Variants in MAGI2 observed in about 807,000 individuals in gnomAD.
MAGI2 encodes membrane associated guanylate kinase, WW and PDZ domain containing 2.
In MAGI2, 35 loss-of-function variants were observed where a neutral mutation model predicts 133.3. The ratio of observed to expected loss-of-function variants is 0.26; its 90% confidence interval spans 0.20 to 0.35. The LOEUF (loss-of-function observed/expected upper bound fraction) is 0.35, where lower values mean the gene tolerates loss of function less well. Among genes scored for constraint, MAGI2 ranks in the 10% least tolerant of loss-of-function variants. The pLI, the probability that MAGI2 is intolerant of heterozygous loss-of-function variation, is 1.00. For missense variants in MAGI2, 1,636 were observed against 1,863.4 expected, an observed-to-expected ratio of 0.88 and a Z score of 2.25; for synonymous variants, 729 against 710.6, an observed-to-expected ratio of 1.03 and a Z score of -0.41.
At chr7:78,177,209 G>C (rs905522348) in intron 14 of MAGI2, among the ~76,000 whole-genome samples, 9 of 152,048 alleles carry the variant, frequency 5.9e-5, no homozygotes, top group Non-Finnish European at 1.2e-4. Flanking sequence ...AGCCGGATGG[G>C]ATGTAGATAG....
At chr7:79,246,044 C>T (rs1032807529) in intron 1 of MAGI2, among the ~76,000 whole-genome samples, 2 of 152,138 alleles carry the variant, frequency 1.3e-5, no homozygotes, top group African/African-American at 4.8e-5. Context: ...ACATATAGAC[C>T]AAGGTGGTAT....
At chr7:78,287,456 T>C (rs182527530) in intron 9 of MAGI2, among the ~76,000 whole-genome samples, 1 of 152,278 alleles carries the variant, frequency 6.6e-6, no homozygotes, top group African/African-American at 2.4e-5. Flanking sequence ...GAGGAGCATA[T>C]CATGTAGACA....
intron 2 of MAGI2, among the ~76,000 whole-genome samples, chr7:78,701,579 G>T (rs1013586473): frequency 2.0e-5 from 3 of 151,884 alleles, no homozygotes; most frequent in African/African-American, 7.2e-5. Context: ...TTTGTGCTAA[G>T]AATTTCTCTA....
intron 1 of MAGI2, among the ~76,000 whole-genome samples, chr7:79,072,732 G>A (rs1815100754): frequency 6.6e-6 from 1 of 152,232 alleles, no homozygotes; most frequent in Non-Finnish European, 1.5e-5. Flanking sequence ...AGACCAGGCA[G>A]AAGTAAGATG....
intron 18 of MAGI2, among the ~76,000 whole-genome samples, chr7:78,131,315 C>T (rs1821540501): frequency 6.6e-6 from 1 of 152,186 alleles, no homozygotes; most frequent in South Asian, 2.1e-4. Flanking sequence ...TATTTAAAAA[C>T]ATAAGCAGCT....
chr7:78,379,549 A>G (rs1452696684), intron 6 of MAGI2, among the ~76,000 whole-genome samples: 1 of 152,060 alleles, frequency 6.6e-6, no homozygotes, highest in East Asian at 1.9e-4. Context: ...CCACCTTCAC[A>G]AAACAGTAAC....
At chr7:79,317,315 C>T (rs1193813782) in intron 1 of MAGI2, among the ~76,000 whole-genome samples, 3 of 152,032 alleles carry the variant, frequency 2.0e-5, no homozygotes, top group African/African-American at 4.8e-5. Context: ...TGAGCCTGCA[C>T]GCCCAGCCAA....
intron 1 of MAGI2, among the ~76,000 whole-genome samples, chr7:79,091,975 C>T (rs1817097138): frequency 6.6e-6 from 1 of 151,894 alleles, no homozygotes; most frequent in Non-Finnish European, 1.5e-5. Flanking sequence ...CTGTTGTAAA[C>T]CATGGTACTA....
intron 2 of MAGI2, among the ~76,000 whole-genome samples, chr7:78,669,601 G>T (rs76675005): frequency 0.29 from 43,354 of 149,692 alleles, 5,626 homozygotes; most frequent in Admixed American, 0.32. Flanking sequence ...TACCAAAGCC[G>T]GGCAGAGACA....
intron 4 of MAGI2, among the ~76,000 whole-genome samples, chr7:78,520,327 T>C (rs1016260895): frequency 3.9e-5 from 6 of 152,180 alleles, no homozygotes; most frequent in Admixed American, 2.6e-4. Context: ...TATGAAGTTT[T>C]TCGCTGATAA....
intron 2 of MAGI2, among the ~76,000 whole-genome samples, chr7:78,636,827 C>T (rs1373153795): frequency 6.6e-6 from 1 of 151,864 alleles, no homozygotes; most frequent in Non-Finnish European, 1.5e-5. Context: ...ACCAAACAAA[C>T]AAAAACAACA....
chr7:78,071,658 G>A (rs188421262), intron 21 of MAGI2, among the ~76,000 whole-genome samples: 1 of 152,250 alleles, frequency 6.6e-6, no homozygotes, highest in East Asian at 1.9e-4. Context: ...AGCATCCTGA[G>A]CCTTTCAGCT....
At chr7:78,827,097 C>A (rs1247623389) in intron 2 of MAGI2, among the ~76,000 whole-genome samples, 2 of 151,984 alleles carry the variant, frequency 1.3e-5, no homozygotes, top group African/African-American at 4.8e-5. Context: ...CATATAGATA[C>A]ATTAAAATAT....
chr7:79,054,535 G>A (rs955762488), intron 1 of MAGI2, among the ~76,000 whole-genome samples: 20 of 151,978 alleles, frequency 1.3e-4, no homozygotes, highest in African/African-American at 3.4e-4. Context: ...GATTCTTGTC[G>A]ATTCCACAGT....
chr7:78,728,834 G>GAATTAAA (rs1821091848), intron 2 of MAGI2, among the ~76,000 whole-genome samples: 1 of 150,988 alleles, frequency 6.6e-6, no homozygotes, highest in Non-Finnish European at 1.5e-5. Flanking sequence ...CAAAGTGCTG[G>GAATTAAA]GATTACAGGC....
At chr7:78,383,917 T>C (rs1795148730) in intron 6 of MAGI2, among the ~76,000 whole-genome samples, 1 of 152,186 alleles carries the variant, frequency 6.6e-6, no homozygotes, top group African/African-American at 2.4e-5. Flanking sequence ...TATGTGGCTT[T>C]ATTTCTGGAT....
Position 78,185,665 on chromosome 7 carries a change from C to T in MAGI2, c.2275G>A (p.Val759Met). 6.3e-7 allele frequency: 1 copy of T among 1,581,916 alleles called. No individual in the cohort carries two copies. The highest frequency in any genetic ancestry group is 8.6e-7 in the Non-Finnish European group (1 of 1,158,230). ...SRAIYESRQQ[V>M]PPRTSFRMDS... ...ATTCGAAAACTGGTCCTGGGTGGCA[C>T]TTGTTCTGGATGGGAAAATGGGGAA... Residue 759 changes from valine (V) to methionine (M), a missense_variant, in exon 13 of 22, where the codon GTG (valine) becomes ATG (methionine). Val to Met is a conservative substitution (Grantham distance 21, BLOSUM62 1). Transcript: ENST00000354212.
chr7:78,073,621 G>C (rs886471467), intron 21 of MAGI2, among the ~76,000 whole-genome samples: 11 of 152,298 alleles, frequency 7.2e-5, no homozygotes, highest in South Asian at 6.2e-4. Flanking sequence ...GCTTATGTTG[G>C]GAATTTTTTC....
At chr7:79,186,246 A>ATTTATTTATTTATATT (rs1827128629) in intron 1 of MAGI2, among the ~76,000 whole-genome samples, 2 of 124,822 alleles carry the variant, frequency 1.6e-5, no homozygotes, top group Admixed American at 8.6e-5. Context: ...ATATATATTT[A>ATTTATTTATTTATATT]TATTTATTTA....
Sources: gnomAD v4.1 joint callset for allele counts (sites outside exome capture counted in the v4.1 genomes callset) on GRCh38, gnomAD v4.1.1 for gene constraint, MANE v1.5 for transcripts, NCBI Gene and HGNC (gene_info 2026-07-23, HGNC 2026-07-21) for gene names.